The following NXPE2 variants were observed in gnomAD, a reference collection of about 807,000 sequenced individuals.
The protein encoded by NXPE2 is neurexophilin and PC-esterase domain family member 2.
Under a neutral mutation model 34.4 loss-of-function variants are expected in NXPE2, and 34 were observed. The observed-to-expected ratio is 0.99, with a 90% CI of 0.75 to 1.31. The LOEUF (loss-of-function observed/expected upper bound fraction) is 1.31. NXPE2 is among the 40% of genes most tolerant of loss of function. The pLI is 0.00. For synonymous variants in NXPE2, 235 were observed against 231.3 expected, an observed-to-expected ratio of 1.02 and a Z score of -0.15; for missense variants, 649 against 672.5, an observed-to-expected ratio of 0.97 and a Z score of 0.39.
intron 2 of NXPE2, among the ~76,000 whole-genome samples, chr11:114,686,438 G>A (rs1951049402): frequency 6.6e-6 from 1 of 152,058 alleles, no homozygotes; most frequent in Admixed American, 6.6e-5. Context: ...TTGCTACAAA[G>A]GACATGATTT....
the NXPE2 span, among the ~76,000 whole-genome samples, chr11:114,540,208 C>T: frequency 1.8e-4 from 28 of 152,250 alleles, 1 homozygote; most frequent in Admixed American, 2.6e-4. Context: ...CTGCCTGCCT[C>T]GGCCTCCCAA....
chr11:114,571,509 G>A, the NXPE2 span: 1 of 1,532,130 alleles, frequency 6.5e-7, no homozygotes, highest in Non-Finnish European at 8.8e-7. Context: ...ATAAAAGGAG[G>A]ATATAGTTAC....
chr11:114,512,699 G>A, the NXPE2 span: 1 of 155,114 alleles, frequency 6.4e-6, no homozygotes, highest in South Asian at 2.0e-4. Context: ...TTGTTAATAG[G>A]AAAACATCCT....
chr11:114,544,684 A>G, the NXPE2 span, among the ~76,000 whole-genome samples: 16 of 152,294 alleles, frequency 1.1e-4, no homozygotes, highest in African/African-American at 3.4e-4. Flanking sequence ...TAGAAATAAT[A>G]TAAAAAGCAC....
chr11:114,767,107 C>G, the NXPE2 span, among the ~76,000 whole-genome samples: 1 of 152,152 alleles, frequency 6.6e-6, no homozygotes, highest in African/African-American at 2.4e-5. Context: ...TATATTATGA[C>G]ACAGTTAACT....
the NXPE2 span, among the ~76,000 whole-genome samples, chr11:114,624,354 T>C: frequency 6.6e-6 from 1 of 152,106 alleles, no homozygotes; most frequent in Non-Finnish European, 1.5e-5. Flanking sequence ...ATAATAATTA[T>C]TGCCCCAGGG....
At chr11:114,504,322 T>C in the NXPE2 span, among the ~76,000 whole-genome samples, 1 of 152,194 alleles carries the variant, frequency 6.6e-6, no homozygotes, top group East Asian at 1.9e-4. Flanking sequence ...CCCTGAGTGA[T>C]CACTCCTGCT....
chr11:114,739,280 T>TTTCC, the NXPE2 span, among the ~76,000 whole-genome samples: 490 of 96,874 alleles, frequency 5.1e-3, 6 homozygotes, highest in African/African-American at 0.018. Flanking sequence ...TTGCCATTAT[T>TTTCC]TTCCTTCCTT....
intron 3 of NXPE2, 86 bp downstream of exon 3, chr11:114,698,864 TATC>T (rs1951314103): frequency 2.4e-6 from 3 of 1,270,276 alleles, no homozygotes; most frequent in Non-Finnish European, 3.2e-6. Context: ...CAAACTTTTG[TATC>T]ATGTCAATTA....
chr11:114,565,009 A>G, the NXPE2 span, among the ~76,000 whole-genome samples: 12 of 152,188 alleles, frequency 7.9e-5, no homozygotes, highest in African/African-American at 2.4e-4. Flanking sequence ...TCCAGGAACC[A>G]TTTGTATTGA....
the NXPE2 span, among the ~76,000 whole-genome samples, chr11:114,807,950 A>C: frequency 6.6e-6 from 1 of 152,156 alleles, no homozygotes; most frequent in Non-Finnish European, 1.5e-5. Context: ...GAAGTAAAGC[A>C]CTCCTCAGCA....
the NXPE2 span, among the ~76,000 whole-genome samples, chr11:114,602,832 CAT>C: frequency 3.4e-5 from 5 of 145,618 alleles, no homozygotes; most frequent in African/African-American, 7.4e-5. Context: ...ATAATTATCT[CAT>C]ATAATTACAG....
the NXPE2 span, among the ~76,000 whole-genome samples, chr11:114,746,214 G>T: frequency 6.6e-6 from 1 of 152,032 alleles, no homozygotes; most frequent in Non-Finnish European, 1.5e-5. Flanking sequence ...TGTACTCTCG[G>T]TAATGAGGTG....
the NXPE2 span, among the ~76,000 whole-genome samples, chr11:114,774,596 A>AT: frequency 6.6e-6 from 1 of 152,166 alleles, no homozygotes; most frequent in African/African-American, 2.4e-5. Context: ...CTGGAGGCTC[A>AT]TTTTGTGTAT....
the NXPE2 span, among the ~76,000 whole-genome samples, chr11:114,589,840 A>G: frequency 2.0e-5 from 3 of 152,160 alleles, no homozygotes; most frequent in East Asian, 5.8e-4. Context: ...CAACACCCCA[A>G]TATTAGGAGC....
chr11:114,721,081 C>A, the NXPE2 span, among the ~76,000 whole-genome samples: 1 of 152,066 alleles, frequency 6.6e-6, no homozygotes, highest in African/African-American at 2.4e-5. Context: ...ACACCTTTTC[C>A]TTTCCCCCAG....
intron 2 of NXPE2, among the ~76,000 whole-genome samples, chr11:114,692,658 C>T (rs570471654): frequency 2.6e-5 from 4 of 152,330 alleles, no homozygotes; most frequent in East Asian, 1.9e-4. Flanking sequence ...GAGCCTCTCA[C>T]GCTCAGTCAG....
At chr11:114,526,231 T>C in the NXPE2 span, among the ~76,000 whole-genome samples, 3 of 152,202 alleles carry the variant, frequency 2.0e-5, no homozygotes, top group Admixed American at 6.5e-5. Flanking sequence ...TACCTTGGGA[T>C]TAGCTCAATG....
At chr11:114,571,565 T>C in the NXPE2 span, 1 of 1,142,090 alleles carries the variant, frequency 8.8e-7, no homozygotes, top group Non-Finnish European at 1.2e-6. Flanking sequence ...ATTGGTATAA[T>C]TAAATAAGCT....
Sources: allele counts gnomAD v4.1 joint callset (sites outside exome capture counted in the v4.1 genomes callset), GRCh38; gene constraint gnomAD v4.1.1; transcripts MANE v1.5; gene names NCBI Gene and HGNC (gene_info 2026-07-23, HGNC 2026-07-21).